OPCML: variants seen among roughly 807,000 people sequenced by gnomAD.
The protein encoded by OPCML is opioid binding protein/cell adhesion molecule like, also known as opioid-binding protein/cell adhesion molecule.
A neutral mutation model predicts 37.8 loss-of-function variants in OPCML; 13 were observed. That is an observed-to-expected ratio of 0.34 (90% confidence interval 0.22 to 0.55). The LOEUF (loss-of-function observed/expected upper bound fraction) is 0.55. OPCML is among the 20% of genes least tolerant of loss of function. OPCML has a pLI of 0.91. For synonymous variants in OPCML, 176 were observed against 168.8 expected (o/e 1.04, Z -0.33); for missense variants, 341 against 435.6 (o/e 0.78, Z 1.93).
At chr11:133,095,376 G>T (rs2137060717) in intron 1 of OPCML, among the ~76,000 whole-genome samples, 1 of 145,686 alleles carries the variant, frequency 6.9e-6, no homozygotes, top group African/African-American at 2.6e-5. Flanking sequence ...AAACCAAAGG[G>T]AAGGAGTGAG....
chr11:132,420,031 G>A lies in OPCML; in HGVS notation c.*162C>T. On this transcript the variant is annotated 3_prime_UTR_variant, in exon 8 of 8. Coordinates refer to ENST00000524381, the MANE Select transcript of OPCML (RefSeq NM_001012393.5). ...CCCCCAACCCCACTCATTCAAGCTG[G>A]AAATAAAAGCAAACAAACAAATAAA... 1.8e-6 allele frequency: 1 copy of A among 566,398 alleles called. No individual in the cohort carries two copies. Among genetic ancestry groups the A allele is most frequent in the Non-Finnish European group, 3.1e-6 (1 of 322,984 alleles). The allele number at this position is 566,398 out of a possible 1,614,324, so 35.1% of individuals were successfully genotyped here. A position where few individuals can be genotyped will look rare whatever the true frequency, so the allele number is the denominator to read the frequency against.
At position 133,043,235 on chromosome 11, in the gene OPCML, G is replaced by GT. The variant is rs1947942338; in HGVS notation, c.62-100226dup. ...AGCTGGGATTGTGGGTCCAGGTGCA[G>GT]TTTTCTCTTCTGGCTGTTCAAAAAA... On this transcript the variant is annotated intron_variant, in intron 1 of 7. Coordinates refer to ENST00000524381, the MANE Select transcript of OPCML (RefSeq NM_001012393.5). Among the ~76,000 whole-genome samples the GT allele has an allele frequency of 3.9e-5, 6 of 152,138 alleles. No homozygotes were observed. The South Asian group carries it at 1.2e-3, about 31-fold the overall frequency.
At chr11:133,220,282 A>G (rs1939761146) in intron 1 of OPCML, among the ~76,000 whole-genome samples, 1 of 152,172 alleles carries the variant, frequency 6.6e-6, no homozygotes, top group Admixed American at 6.5e-5. Context: ...GGAAGAGCAC[A>G]AAGAATGTCT....
chr11:132,746,608 G>A (rs570289632), intron 2 of OPCML, among the ~76,000 whole-genome samples: 1 of 152,196 alleles, frequency 6.6e-6, no homozygotes, highest in African/African-American at 2.4e-5. Context: ...TCGGGATTAG[G>A]TTTTTCCTGC....
intron 4 of OPCML, among the ~76,000 whole-genome samples, chr11:132,481,323 G>C (rs2096179642): frequency 1.3e-5 from 2 of 151,958 alleles, no homozygotes; most frequent in African/African-American, 4.8e-5. Context: ...AGACAAAGAA[G>C]GCCATTACAT....
At chr11:132,542,938 C>T (rs373742832) in intron 3 of OPCML, among the ~76,000 whole-genome samples, 26 of 152,176 alleles carry the variant, frequency 1.7e-4, no homozygotes, top group East Asian at 5.8e-4. Flanking sequence ...TTCAAGTCTG[C>T]GACAGAATTG....
rs146373423 is a variant in OPCML, at chr11:132,654,633, G to A, written c.379+2454C>T. 4.1e-3 allele frequency among the ~76,000 whole-genome samples: 615 copies of A among 149,302 alleles called. 3 individuals are homozygous for A. Among genetic ancestry groups the A allele is most frequent in the African/African-American group, 0.013 (517 of 40,244 alleles). On this transcript the variant is annotated intron_variant, in intron 3 of 7. Transcript: ENST00000524381. The stretch of plus-strand genomic sequence containing the variant: ...CTCCCCAAGAGAAGCTCCTCCCCAA[G>A]AGAACATCATCTCCAAGAGAAGATC...
chr11:133,014,877 T>C (rs1417782941), intron 1 of OPCML, among the ~76,000 whole-genome samples: 1 of 152,196 alleles, frequency 6.6e-6, no homozygotes, highest in African/African-American at 2.4e-5. Context: ...TGGTGCCGTA[T>C]TTTCTATTAA....
chr11:132,924,628 C>A (rs1944926837), intron 2 of OPCML, among the ~76,000 whole-genome samples: 1 of 152,180 alleles, frequency 6.6e-6, no homozygotes, highest in Non-Finnish European at 1.5e-5. Flanking sequence ...CTTATCCTTA[C>A]TCTTCTATAA....
intron 1 of OPCML, among the ~76,000 whole-genome samples, chr11:133,112,708 C>T (rs4319525): frequency 0.49 from 74,946 of 151,990 alleles, 18,964 homozygotes; most frequent in Admixed American, 0.55. Flanking sequence ...AGAACAGCTT[C>T]GTCTTTCTCT....
intron 1 of OPCML, among the ~76,000 whole-genome samples, chr11:133,093,009 T>TA (rs1166698766): frequency 1.3e-5 from 2 of 152,158 alleles, no homozygotes; most frequent in African/African-American, 4.8e-5. Flanking sequence ...CACTTTGAAT[T>TA]AGAGTCTGTA....
intron 3 of OPCML, among the ~76,000 whole-genome samples, chr11:132,618,425 C>T (rs1041171501): frequency 1.3e-5 from 2 of 152,096 alleles, no homozygotes; most frequent in African/African-American, 4.8e-5. Flanking sequence ...CTCACTTGAA[C>T]CCGGGAGGCG....
intron 1 of OPCML, among the ~76,000 whole-genome samples, chr11:133,175,649 T>A (rs7131012): frequency 0.15 from 22,363 of 147,592 alleles, 1,787 homozygotes; most frequent in African/African-American, 0.21. Context: ...AATTCTGTAA[T>A]TCACTGACTT....
chr11:132,518,129 T>C (rs2096284243), intron 4 of OPCML, among the ~76,000 whole-genome samples: 1 of 152,204 alleles, frequency 6.6e-6, no homozygotes, highest in African/African-American at 2.4e-5. Context: ...GTTAGATAGG[T>C]ATACATGTGC....
intron 2 of OPCML, among the ~76,000 whole-genome samples, chr11:132,745,563 C>CAAAAAAAAAAAAAAA (rs10562857): frequency 9.7e-6 from 1 of 102,982 alleles, no homozygotes; most frequent in Non-Finnish European, 1.9e-5. Flanking sequence ...TGCTGTCTTG[C>CAAAAAAAAAAAAAAA]AAAAAAAAAA....
At chr11:133,012,687 C>T (rs562784055) in intron 1 of OPCML, among the ~76,000 whole-genome samples, 44 of 152,136 alleles carry the variant, frequency 2.9e-4, no homozygotes, top group Non-Finnish European at 5.7e-4. Flanking sequence ...ACCAGCCTGA[C>T]CAACATGGAG....
chr11:133,447,220 T>TC (rs1167166121), intron 1 of OPCML, among the ~76,000 whole-genome samples: 2 of 152,200 alleles, frequency 1.3e-5, no homozygotes, highest in Non-Finnish European at 1.5e-5. Context: ...TGTCTTTTTT[T>TC]CTTCAATTGA....
At position 133,176,391 on chromosome 11, in the gene OPCML, C is replaced by T. The variant is rs546315068; in HGVS notation, c.62-233381G>A. On this transcript the variant is annotated intron_variant, in intron 1 of 7. Transcript: ENST00000524381. ...ATTTCAACATGAGATTTTTCAACAGCATTAGGCAAGCAATATGGTTTGGAT... is the reference window on the plus strand; with the variant it reads ...ATTTCAACATGAGATTTTTCAACAGTATTAGGCAAGCAATATGGTTTGGAT... Among the ~76,000 whole-genome samples, 4 of 148,448 alleles carry T rather than the reference C, an allele frequency of 2.7e-5. No individual in the cohort carries two copies. The South Asian group carries it at 8.6e-4, about 32-fold the overall frequency.
At chr11:133,130,273 A>T (rs1949582631) in intron 1 of OPCML, among the ~76,000 whole-genome samples, 1 of 152,144 alleles carries the variant, frequency 6.6e-6, no homozygotes, top group Admixed American at 6.6e-5. Context: ...AAAATATATG[A>T]TAAAAGAAAA....
Sources: gnomAD v4.1 joint callset for allele counts (sites outside exome capture counted in the v4.1 genomes callset) on GRCh38, gnomAD v4.1.1 for gene constraint, MANE v1.5 for transcripts, NCBI Gene and HGNC (gene_info 2026-07-23, HGNC 2026-07-21) for gene names.